Variants in FANCL observed in about 807,000 individuals in gnomAD.
FANCL encodes the protein FA complementation group L.
In FANCL, 69 loss-of-function variants were observed where a neutral mutation model predicts 59.4. The observed-to-expected ratio is 1.16, with a 90% CI of 0.96 to 1.42. The LOEUF is 1.42. Ranked by LOEUF, FANCL falls within the 40% of genes most tolerant of loss-of-function variation. The pLI is 0.00. For synonymous variants in FANCL, 180 were observed against 147.1 expected, an observed-to-expected ratio of 1.22 and a Z score of -1.62; for missense variants, 519 against 447.2, an observed-to-expected ratio of 1.16 and a Z score of -1.45.
intron 7 of FANCL, among the ~76,000 whole-genome samples, chr2:58,173,048 T>G (rs1338593730): frequency 6.6e-6 from 1 of 151,848 alleles, no homozygotes; most frequent in Non-Finnish European, 1.5e-5. Flanking sequence ...TGACGGAAGA[T>G]GAAGTGAATG....
intron 7 of FANCL, among the ~76,000 whole-genome samples, chr2:58,171,259 C>G (rs1573555393): frequency 6.6e-6 from 1 of 152,184 alleles, no homozygotes; most frequent in East Asian, 1.9e-4. Flanking sequence ...GAACAACCTT[C>G]TCCTGAATGA....
intron 7 of FANCL, chr2:58,194,126 A>G: frequency 2.3e-6 from 1 of 426,290 alleles, no homozygotes; most frequent in East Asian, 7.2e-5. Context: ...TCCATGATAA[A>G]AAAATATAAA....
intron 7 of FANCL, among the ~76,000 whole-genome samples, chr2:58,178,770 T>C (rs374599100): frequency 3.0e-4 from 46 of 152,226 alleles, no homozygotes; most frequent in East Asian, 2.5e-3. Context: ...GGTATTCAAA[T>C]AGGAGGAGAG....
At chr2:58,236,568 C>G (rs1299950946) in intron 1 of FANCL, among the ~76,000 whole-genome samples, 1 of 150,420 alleles carries the variant, frequency 6.6e-6, no homozygotes, top group East Asian at 1.9e-4. Flanking sequence ...AATACCAAAA[C>G]AATTAAAAAT....
chr2:58,208,035 G>A (rs1468248558), intron 5 of FANCL, among the ~76,000 whole-genome samples: 1 of 152,122 alleles, frequency 6.6e-6, no homozygotes, highest in Non-Finnish European at 1.5e-5. Flanking sequence ...CTCTGGCCTT[G>A]GTGAAAGACA....
chr2:58,216,857 A>C (rs1229803137), intron 5 of FANCL, among the ~76,000 whole-genome samples: 2 of 151,870 alleles, frequency 1.3e-5, no homozygotes, highest in Admixed American at 1.3e-4. Context: ...CACGGGGGTA[A>C]AGCGGGTGAG....
chr2:58,225,431 T>C (rs987431802), intron 4 of FANCL, among the ~76,000 whole-genome samples: 1 of 152,030 alleles, frequency 6.6e-6, no homozygotes, highest in Admixed American at 6.5e-5. Context: ...ATGGAATTTT[T>C]AAAATTACCA....
At chr2:58,225,870 C>T (rs926278567) in intron 4 of FANCL, among the ~76,000 whole-genome samples, 1 of 151,900 alleles carries the variant, frequency 6.6e-6, no homozygotes, top group Non-Finnish European at 1.5e-5. Flanking sequence ...ACATAAGTAC[C>T]TTATAAGTCT....
chr2:58,206,539 T>G (rs1690602221), intron 5 of FANCL, among the ~76,000 whole-genome samples: 1 of 152,190 alleles, frequency 6.6e-6, no homozygotes, highest in South Asian at 2.1e-4. Context: ...CTTTCTGTAC[T>G]TCACATTGTT....
intron 6 of FANCL, among the ~76,000 whole-genome samples, chr2:58,202,181 A>C (rs1690100638): frequency 6.7e-6 from 1 of 150,022 alleles, no homozygotes; most frequent in Non-Finnish European, 1.5e-5. Flanking sequence ...ATTACTTTTG[A>C]AAGTAAAAGT....
intron 7 of FANCL, among the ~76,000 whole-genome samples, chr2:58,189,330 GCA>G (rs1558772335): frequency 6.6e-6 from 1 of 152,056 alleles, no homozygotes; most frequent in African/African-American, 2.4e-5. Flanking sequence ...GATCTACACA[GCA>G]GTAGATGTGT....
chr2:58,228,338 A>C (rs150130711), intron 3 of FANCL, among the ~76,000 whole-genome samples: 1 of 152,244 alleles, frequency 6.6e-6, no homozygotes, highest in East Asian at 1.9e-4. Context: ...GCATGAACAC[A>C]TATGATTCAC....
At chr2:58,231,391 T>C (rs1693564483) in intron 2 of FANCL, among the ~76,000 whole-genome samples, 1 of 152,198 alleles carries the variant, frequency 6.6e-6, no homozygotes, top group South Asian at 2.1e-4. Context: ...AAACAATCTC[T>C]CTTCTACTTT....
Position 58,159,579 on chromosome 2 carries a change from G to T in FANCL, c.*186C>A. ...ACTTAGAAAGTTCAACTGGACTTTGGCCTACAATTTCCCAGTTTACTCTTA... is the reference window on the plus strand; with the variant it reads ...ACTTAGAAAGTTCAACTGGACTTTGTCCTACAATTTCCCAGTTTACTCTTA... On this transcript the variant is annotated 3_prime_UTR_variant, in exon 14 of 14. Transcript: ENST00000233741. 2 of 1,613,744 alleles carry T rather than the reference G, an allele frequency of 1.2e-6. No homozygotes were observed. The highest frequency in any genetic ancestry group is 2.2e-5 in the South Asian group (2 of 91,072).
chr2:58,171,915 T>A (rs531399514), intron 7 of FANCL, among the ~76,000 whole-genome samples: 1 of 152,264 alleles, frequency 6.6e-6, no homozygotes, highest in African/African-American at 2.4e-5. Context: ...ATACTGCGCT[T>A]TTCCGACGGG....
intron 7 of FANCL, among the ~76,000 whole-genome samples, 173 bp downstream of exon 7, chr2:58,198,421 G>A (rs1387890009): frequency 6.6e-6 from 1 of 152,138 alleles, no homozygotes; most frequent in Non-Finnish European, 1.5e-5. Context: ...AAAGTATACA[G>A]AAGAGTGTGC....
At chr2:58,187,202 T>C (rs1688487739) in intron 7 of FANCL, among the ~76,000 whole-genome samples, 1 of 152,076 alleles carries the variant, frequency 6.6e-6, no homozygotes. Context: ...TAAGAAAATA[T>C]GCCACATATA....
intron 7 of FANCL, among the ~76,000 whole-genome samples, chr2:58,192,756 T>C (rs1689054778): frequency 1.3e-5 from 2 of 151,846 alleles, no homozygotes; most frequent in Non-Finnish European, 2.9e-5. Context: ...CAAAAGCATG[T>C]AATGACAAAT....
intron 1 of FANCL, among the ~76,000 whole-genome samples, chr2:58,240,299 T>A (rs893544400): frequency 1.3e-5 from 2 of 152,224 alleles, no homozygotes; most frequent in African/African-American, 4.8e-5. Flanking sequence ...CATATGGTAA[T>A]TCCACATATA....
Sources: allele counts gnomAD v4.1 joint callset (sites outside exome capture counted in the v4.1 genomes callset), GRCh38; gene constraint gnomAD v4.1.1; transcripts MANE v1.5; gene names NCBI Gene and HGNC (gene_info 2026-07-23, HGNC 2026-07-21).